The following PTPRK variants were observed in gnomAD, a reference collection of about 807,000 sequenced individuals.
PTPRK encodes the protein receptor-type tyrosine-protein phosphatase kappa.
PTPRK carries 75 observed loss-of-function variants against 178.0 expected under a neutral mutation model. That is an observed-to-expected ratio of 0.42 (90% CI 0.35 to 0.51). PTPRK has a LOEUF of 0.51. PTPRK is among the 20% of genes least tolerant of loss of function. PTPRK has a pLI of 0.02. For synonymous variants in PTPRK, 637 were observed against 620.6 expected (o/e 1.03, Z -0.39); for missense variants, 1,441 against 1,797.8 (o/e 0.80, Z 3.59).
chr6:128,416,639 C>T (rs1482018969), intron 1 of PTPRK, among the ~76,000 whole-genome samples: 1 of 145,218 alleles, frequency 6.9e-6, no homozygotes, highest in Non-Finnish European at 1.5e-5. Context: ...AAGAGCCAGA[C>T]TCCATCTTAA....
At chr6:128,197,398 C>G (rs115769415) in intron 6 of PTPRK, among the ~76,000 whole-genome samples, 2 of 151,636 alleles carry the variant, frequency 1.3e-5, no homozygotes, top group Admixed American at 1.3e-4. Flanking sequence ...TGTCAAGATA[C>G]TAAACTTGGA....
intron 13 of PTPRK, 106 bp downstream of exon 13, chr6:128,064,652 C>T: frequency 1.4e-6 from 2 of 1,418,012 alleles, no homozygotes; most frequent in Non-Finnish European, 1.9e-6. Context: ...ACAGAACTAA[C>T]TATAACAGAA....
chr6:128,444,891 T>C (rs1381360753), intron 1 of PTPRK, among the ~76,000 whole-genome samples: 1 of 152,146 alleles, frequency 6.6e-6, no homozygotes, highest in African/African-American at 2.4e-5. Context: ...AGATAAGAAT[T>C]TGAGTCTCAA....
intron 2 of PTPRK, among the ~76,000 whole-genome samples, chr6:128,352,420 GCA>G (rs79440762): frequency 0.97 from 148,008 of 152,234 alleles, 72,073 homozygotes; most frequent in South Asian, 1. Flanking sequence ...ACCTCTAGTT[GCA>G]GATCACTGTA....
At chr6:128,285,679 C>T (rs1352930962) in intron 3 of PTPRK, among the ~76,000 whole-genome samples, 2 of 151,860 alleles carry the variant, frequency 1.3e-5, no homozygotes, top group Non-Finnish European at 2.9e-5. Flanking sequence ...GTGGCGTGTG[C>T]CTGCCGTCCC....
chr6:128,364,399 A>G (rs1006951228), intron 2 of PTPRK, among the ~76,000 whole-genome samples: 2 of 152,138 alleles, frequency 1.3e-5, no homozygotes, highest in Admixed American at 1.3e-4. Context: ...AGTTAGTTAC[A>G]GAAGTTTGCA....
chr6:128,486,915 A>G (rs1853017728), intron 1 of PTPRK, among the ~76,000 whole-genome samples: 2 of 151,916 alleles, frequency 1.3e-5, no homozygotes, highest in African/African-American at 2.4e-5. Context: ...ATTGACATAG[A>G]TATCACTTTG....
chr6:128,145,537 C>T (rs1054479397), intron 7 of PTPRK, among the ~76,000 whole-genome samples: 1 of 151,444 alleles, frequency 6.6e-6, no homozygotes, highest in Non-Finnish European at 1.5e-5. Context: ...TGTGTACTCC[C>T]CCATGAAAAA....
chr6:128,185,654 T>C (rs1802637401), intron 6 of PTPRK, among the ~76,000 whole-genome samples: 1 of 152,130 alleles, frequency 6.6e-6, no homozygotes, highest in African/African-American at 2.4e-5. Context: ...AAGTAGTAAT[T>C]GCTCAAAAAT....
chr6:128,269,656 T>C (rs879476248), intron 3 of PTPRK, among the ~76,000 whole-genome samples: 8 of 152,048 alleles, frequency 5.3e-5, no homozygotes, highest in Admixed American at 2.0e-4. Flanking sequence ...GGGAGGGCAC[T>C]TAATTGGGAG....
At chr6:128,493,186 C>A (rs1291892166) in intron 1 of PTPRK, among the ~76,000 whole-genome samples, 6 of 152,044 alleles carry the variant, frequency 3.9e-5, no homozygotes, top group Non-Finnish European at 8.8e-5. Flanking sequence ...TTCTATTGAC[C>A]AAAATTCACT....
intron 3 of PTPRK, among the ~76,000 whole-genome samples, chr6:128,255,053 C>T (rs190540383): frequency 8.6e-4 from 131 of 152,288 alleles, no homozygotes; most frequent in Admixed American, 1.6e-3. Flanking sequence ...TACAGTGACG[C>T]GATCTCAGCT....
chr6:128,001,143 T>G, intron 15 of PTPRK: 1 of 1,370,388 alleles, frequency 7.3e-7, no homozygotes, highest in Non-Finnish European at 1.0e-6. Context: ...AATAATAACT[T>G]GAAATATATC....
chr6:128,129,429 C>T (rs1793875437), intron 7 of PTPRK, among the ~76,000 whole-genome samples: 3 of 152,054 alleles, frequency 2.0e-5, no homozygotes, highest in Admixed American at 2.0e-4. Flanking sequence ...ATTAGAACAC[C>T]CATTAGCTTT....
intron 7 of PTPRK, among the ~76,000 whole-genome samples, chr6:128,127,103 A>T (rs1460588763): frequency 1.3e-5 from 2 of 152,092 alleles, no homozygotes; most frequent in Non-Finnish European, 2.9e-5. Context: ...CTATATTTGT[A>T]TATGTCTATT....
At chr6:128,091,631 G>A (rs1317630189) in intron 7 of PTPRK, among the ~76,000 whole-genome samples, 3 of 152,140 alleles carry the variant, frequency 2.0e-5, no homozygotes, top group East Asian at 3.9e-4. Context: ...TAGAGTATAT[G>A]AGCAAACAAT....
intron 2 of PTPRK, among the ~76,000 whole-genome samples, chr6:128,340,434 C>G (rs1338104953): frequency 1.3e-5 from 2 of 152,154 alleles, no homozygotes; most frequent in Non-Finnish European, 1.5e-5. Context: ...GCTTTAACAA[C>G]CTCTAAATGT....
intron 3 of PTPRK, among the ~76,000 whole-genome samples, chr6:128,256,024 ATGTATTT>A (rs1817239562): frequency 8.5e-5 from 13 of 152,380 alleles, no homozygotes; most frequent in Non-Finnish European, 1.2e-4. Flanking sequence ...ACAATTAGCC[ATGTATTT>A]ATTCAACAAG....
Position 128,175,486 on chromosome 6 carries a change from G to GAT in PTPRK, c.1162+8944_1162+8945dup, listed in dbSNP as rs145715495. The stretch of plus-strand genomic sequence containing the variant: ...ACATAAGAATGGTTACATACATTCA[G>GAT]ATATATATATATATCCAACAGAATA... On this transcript the variant is annotated intron_variant, in intron 7 of 29. Transcript: ENST00000368226. Among the ~76,000 whole-genome samples the GAT allele has an allele frequency of 3.5e-3, 523 of 150,862 alleles. 4 individuals are homozygous for GAT. The highest frequency in any genetic ancestry group is 0.011 in the African/African-American group (472 of 41,272).
Sources: allele counts gnomAD v4.1 joint callset (sites outside exome capture counted in the v4.1 genomes callset), GRCh38; gene constraint gnomAD v4.1.1; transcripts MANE v1.5; gene names NCBI Gene and HGNC (gene_info 2026-07-23, HGNC 2026-07-21).